Variants in LONP2 observed in about 807,000 individuals in gnomAD.
LONP2 encodes the protein lon protease homolog 2, peroxisomal.
Under a neutral mutation model 85.6 loss-of-function variants are expected in LONP2, and 60 were observed. The observed-to-expected ratio is 0.70, with a 90% CI of 0.57 to 0.87. The LOEUF is 0.87. Among genes scored for constraint, LONP2 ranks in the 40% least tolerant of loss-of-function variants. LONP2 has a pLI of 0.00. For synonymous variants in LONP2, 395 were observed against 389.7 expected, an observed-to-expected ratio of 1.01 and a Z score of -0.16; for missense variants, 860 against 1,063.5, an observed-to-expected ratio of 0.81 and a Z score of 2.66.
chr16:48,262,152 T>C (rs990070420), intron 5 of LONP2, among the ~76,000 whole-genome samples: 2 of 152,218 alleles, frequency 1.3e-5, no homozygotes, highest in Non-Finnish European at 1.5e-5. Flanking sequence ...TTAGTTAATA[T>C]ATGTAGAACA....
downstream of LONP2, among the ~76,000 whole-genome samples, chr16:48,358,507 A>G (rs1960458045): frequency 6.6e-6 from 1 of 152,202 alleles, no homozygotes; most frequent in Non-Finnish European, 1.5e-5. Context: ...TAATACATAA[A>G]AGGGCTCCCA....
Position 48,309,251 on chromosome 16 carries a change from C to T in LONP2, c.1795+5946C>T, listed in dbSNP as rs137868031. On this transcript the variant is annotated intron_variant, in intron 11 of 14. Transcript: ENST00000285737. ...AAACATATGGAGAGTTCTCAAAGAA[C>T]AAAAAATAGAACCGTCATTTGATCC... is the stretch of plus-strand genomic sequence containing the variant. Among the ~76,000 whole-genome samples the T allele has an allele frequency of 4.5e-4, 68 of 152,114 alleles. 2 individuals carry two copies. In the East Asian group the frequency reaches 0.012, roughly 28 times the overall value.
chr16:48,319,610 G>A (rs185519539), intron 11 of LONP2, among the ~76,000 whole-genome samples: 3 of 152,174 alleles, frequency 2.0e-5, no homozygotes, highest in Admixed American at 1.3e-4. Context: ...CTTATCTCTG[G>A]TAAGAGGTAA....
chr16:48,316,111 G>A (rs1249966695), intron 11 of LONP2, among the ~76,000 whole-genome samples: 1 of 151,520 alleles, frequency 6.6e-6, no homozygotes, highest in Non-Finnish European at 1.5e-5. Context: ...GGATTCAAGC[G>A]ATTCTGATGT....
intron 8 of LONP2, among the ~76,000 whole-genome samples, chr16:48,293,482 C>T (rs182207064): frequency 9.4e-4 from 142 of 151,542 alleles, no homozygotes; most frequent in African/African-American, 3.2e-3. Flanking sequence ...TTACTCATGA[C>T]GCTTATTAAA....
At chr16:48,275,817 A>T (rs897388352) in intron 7 of LONP2, among the ~76,000 whole-genome samples, 3 of 152,142 alleles carry the variant, frequency 2.0e-5, no homozygotes, top group Admixed American at 1.3e-4. Context: ...GAAGCAATGG[A>T]AAGTGTAAGA....
intron 10 of LONP2, among the ~76,000 whole-genome samples, chr16:48,302,770 T>C (rs890802573): frequency 2.0e-5 from 3 of 152,192 alleles, no homozygotes; most frequent in African/African-American, 7.2e-5. Flanking sequence ...CTCTTATTCT[T>C]TCAGTAGTAT....
At chr16:48,295,294 C>G (rs1409776207) in intron 8 of LONP2, among the ~76,000 whole-genome samples, 1 of 152,150 alleles carries the variant, frequency 6.6e-6, no homozygotes, top group Non-Finnish European at 1.5e-5. Flanking sequence ...ATCGCTGGAA[C>G]CCGGGAGGCG....
At position 48,343,420 on chromosome 16, in the gene LONP2, C is replaced by T. The variant is rs115495350; in HGVS notation, c.1939-4087C>T. 9.0e-3 allele frequency among the ~76,000 whole-genome samples: 1,374 copies of T among 152,250 alleles called. 27 individuals carry two copies. Among genetic ancestry groups the T allele is most frequent in the African/African-American group, 0.031 (1,307 of 41,542 alleles). The stretch of plus-strand genomic sequence containing the variant: ...TTGATGTATTAAGAATGCAATCAGC[C>T]GGGCACAGCAGCTCACACCTGTAAT... On this transcript the variant is annotated intron_variant, in intron 12 of 14. Transcript: ENST00000285737.
At chr16:48,330,562 A>G (rs1433331974) in intron 11 of LONP2, among the ~76,000 whole-genome samples, 5 of 152,200 alleles carry the variant, frequency 3.3e-5, no homozygotes, top group African/African-American at 9.7e-5. Flanking sequence ...CTTGAGTGAT[A>G]TCTTTGTGAG....
At chr16:48,268,662 C>CT (rs1457930519) in intron 6 of LONP2, among the ~76,000 whole-genome samples, 2 of 152,106 alleles carry the variant, frequency 1.3e-5, no homozygotes, top group Non-Finnish European at 2.9e-5. Flanking sequence ...GAGAAACTCT[C>CT]TATCTTTCAC....
chr16:48,300,886 A>G (rs1313677615), intron 10 of LONP2, among the ~76,000 whole-genome samples: 4 of 152,232 alleles, frequency 2.6e-5, no homozygotes, highest in African/African-American at 9.6e-5. Flanking sequence ...TCTGTAAAAT[A>G]TGAGGGATGG....
chr16:48,348,692 C>G (rs964977999), intron 14 of LONP2, among the ~76,000 whole-genome samples: 15 of 152,064 alleles, frequency 9.9e-5, no homozygotes, highest in Admixed American at 7.2e-4. Context: ...CAGGGTCTCT[C>G]TGTGTTGTCC....
At chr16:48,361,980 T>A, downstream of LONP2, 1 of 1,614,194 alleles carries the variant, frequency 6.2e-7, no homozygotes, top group Admixed American at 1.7e-5. Flanking sequence ...CTTATGCTGA[T>A]GCATCAGATG....
At position 48,299,670 on chromosome 16, in the gene LONP2, C is replaced by T. The variant is rs985886776; in HGVS notation, c.1543C>T (p.Gln515Ter). 2.5e-6 allele frequency: 4 copies of T among 1,612,742 alleles called. No individual in the cohort carries two copies. Among genetic ancestry groups the T allele is most frequent in the African/African-American group, 1.3e-5 (1 of 74,846 alleles). The stretch of plus-strand genomic sequence containing the variant: ...GATCTCTTCTTTTCCAGGTTATACA[C>T]AGGAGGAGAAGATAGAGATTGCCCA... ...MEIIQVPGYTQEEKIEIAHRH... is the reference protein window; with the variant it reads ...MEIIQVPGYT The change falls in exon 10 of 15, where the codon CAG (glutamine) becomes TAG (stop). Residue 515 changes from glutamine to a stop codon, truncating the protein, a stop_gained. Coordinates refer to ENST00000285737, the MANE Select transcript of LONP2 (RefSeq NM_031490.5). LOFTEE classifies it high-confidence loss of function.
At position 48,352,987 on chromosome 16, in the gene LONP2, C is replaced by T. The variant is rs924213649; in HGVS notation, c.*1185C>T. 46 of 152,200 alleles carry T rather than the reference C, an allele frequency of 3.0e-4. 2 individuals are homozygous for T. The allele number at this position is 152,200 out of a possible 1,614,324, so 9.4% of individuals were successfully genotyped here. Reference sequence around the variant, plus strand: ...GGCTATGTATGACTATGAAGTCAGGCTCATCTGCTTACTGGCTGTGTGAAC... The same window carrying T: ...GGCTATGTATGACTATGAAGTCAGGTTCATCTGCTTACTGGCTGTGTGAAC... On this transcript the variant is annotated 3_prime_UTR_variant, in exon 15 of 15. Transcript: ENST00000285737.
chr16:48,326,641 C>G (rs1370459038), intron 11 of LONP2, among the ~76,000 whole-genome samples: 5 of 152,182 alleles, frequency 3.3e-5, no homozygotes, highest in Non-Finnish European at 7.4e-5. Context: ...GGCCTCCCTG[C>G]TACTTGCCAT....
At chr16:48,251,061 A>G (rs1971634031) in intron 1 of LONP2, among the ~76,000 whole-genome samples, 1 of 152,378 alleles carries the variant, frequency 6.6e-6, no homozygotes, top group East Asian at 1.9e-4. Flanking sequence ...GCCAAAGGCT[A>G]TGTGTAATCT....
chr16:48,309,865 T>C (rs1972992936), intron 11 of LONP2, among the ~76,000 whole-genome samples: 1 of 152,154 alleles, frequency 6.6e-6, no homozygotes, highest in African/African-American at 2.4e-5. Context: ...TCCATTTGGT[T>C]TTAAGTTCAG....
Sources: allele counts gnomAD v4.1 joint callset (sites outside exome capture counted in the v4.1 genomes callset), GRCh38; gene constraint gnomAD v4.1.1; transcripts MANE v1.5; gene names NCBI Gene and HGNC (gene_info 2026-07-23, HGNC 2026-07-21).